IL6R: variants seen among roughly 807,000 people sequenced by gnomAD.
IL6R encodes the protein interleukin-6 receptor subunit alpha.
IL6R carries 38 observed loss-of-function variants against 48.3 expected under a neutral mutation model. That is an observed-to-expected ratio of 0.79 (90% CI 0.61 to 1.03). The LOEUF is 1.03. Ranked by LOEUF, IL6R falls within the 50% of genes least tolerant of loss-of-function variation. The pLI is 0.00. For missense variants in IL6R, 534 were observed against 618.3 expected, an observed-to-expected ratio of 0.86 and a Z score of 1.45; for synonymous variants, 264 against 256.2, an observed-to-expected ratio of 1.03 and a Z score of -0.29.
At position 154,465,499 on chromosome 1, in the gene IL6R, A is replaced by G; in HGVS notation, c.*119A>G. The G allele has an allele frequency of 8.4e-7, 1 of 1,185,108 alleles. No individual in the cohort carries two copies. Among genetic ancestry groups the G allele is most frequent in the Admixed American group, 1.9e-5 (1 of 51,490 alleles). 73.4% of individuals were successfully genotyped at this position (1,185,108 alleles called of 1,614,324 possible). A position where few individuals can be genotyped will look rare whatever the true frequency, so the allele number is the denominator to read the frequency against. ...TCAGGGGTGTGCGGCCTTTGGCTTC[A>G]CGGAAGAGCCTTGCGGAAGGTTCTA... is the stretch of plus-strand genomic sequence containing the variant. On this transcript the variant is annotated 3_prime_UTR_variant, in exon 10 of 10. Transcript: ENST00000368485.
intron 1 of IL6R, among the ~76,000 whole-genome samples, chr1:154,419,975 C>T (rs1456622342): frequency 2.0e-5 from 3 of 151,920 alleles, no homozygotes; most frequent in African/African-American, 7.3e-5. Context: ...GGTGGGGGTC[C>T]CAGTGTCCCT....
Position 154,468,904 on chromosome 1 carries a change from G to T in IL6R, c.*3524G>T, listed in dbSNP as rs1177413245. 1.3e-5 allele frequency: 2 copies of T among 152,250 alleles called. No individual in the cohort carries two copies. The highest frequency in any genetic ancestry group is 2.4e-5 in the African/African-American group (1 of 41,418). The allele number at this position is 152,250 out of a possible 1,614,324, so 9.4% of individuals were successfully genotyped here. On this transcript the variant is annotated 3_prime_UTR_variant, in exon 10 of 10. Transcript: ENST00000368485. ...TGGTGGTCTTAATTTGGAGATGCAG[G>T]GGCAACCTGTGACCCTTTGAGGCAA...
rs1687638943 is a variant in IL6R, at chr1:154,405,381, G to C, written c.-249G>C. On this transcript the variant is annotated 5_prime_UTR_variant, in exon 1 of 10. Coordinates refer to ENST00000368485, the MANE Select transcript of IL6R (RefSeq NM_000565.4). The surrounding 1 kb of genome is among the most constrained non-coding windows in gnomAD (Gnocchi z 5.2). ...CGTTGCCAGGACCGTCCGCCGCTCT[G>C]AGTCATGTGCGAGTGGGAAGTCGCA... 1 of 508,598 alleles carries C rather than the reference G, an allele frequency of 2.0e-6. No homozygotes were observed. Among genetic ancestry groups the C allele is most frequent in the Admixed American group, 4.1e-5 (1 of 24,264 alleles). 31.5% of individuals were successfully genotyped at this position (508,598 alleles called of 1,614,324 possible). A position where few individuals can be genotyped will look rare whatever the true frequency, so the allele number is the denominator to read the frequency against.
intron 4 of IL6R, 107 bp from the exon 5 acceptor site, chr1:154,434,883 G>A: frequency 7.9e-7 from 1 of 1,271,164 alleles, no homozygotes; most frequent in Non-Finnish European, 1.1e-6. Flanking sequence ...TGTGCATGGG[G>A]AGTGAACGGG....
intron 1 of IL6R, among the ~76,000 whole-genome samples, chr1:154,420,845 TTTATA>T (rs1688621978): frequency 6.6e-6 from 1 of 152,136 alleles, no homozygotes; most frequent in African/African-American, 2.4e-5. Flanking sequence ...TGAGATGTAC[TTTATA>T]TTAAAGAACA....
At chr1:154,448,410 A>G (rs540685602) in intron 7 of IL6R, among the ~76,000 whole-genome samples, 6 of 152,362 alleles carry the variant, frequency 3.9e-5, no homozygotes, top group Admixed American at 6.5e-5. Flanking sequence ...TGCGTCTAGC[A>G]GCTGCTATTT....
In IL6R at chr1:154,448,033, G is replaced by C. The variant is rs1690373210; in HGVS notation, c.950-92G>C. The C allele has an allele frequency of 2.9e-6, 3 of 1,036,068 alleles. No individual in the cohort carries two copies. The Admixed American group carries it at 5.5e-5, about 19-fold the overall frequency. The allele number at this position is 1,036,068 out of a possible 1,614,324, so 64.2% of individuals were successfully genotyped here. A position where few individuals can be genotyped will look rare whatever the true frequency, so the allele number is the denominator to read the frequency against. On this transcript the variant is annotated intron_variant, in intron 6 of 9. Coordinates refer to ENST00000368485, the MANE Select transcript of IL6R (RefSeq NM_000565.4). ...CCATGCTGTTCTTTTAAATAACATT[G>C]AGATGAACTTTTTTTTTCTGATGCT...
At chr1:154,416,170 C>A (rs1688337416) in intron 1 of IL6R, among the ~76,000 whole-genome samples, 1 of 152,016 alleles carries the variant, frequency 6.6e-6, no homozygotes, top group Non-Finnish European at 1.5e-5. Flanking sequence ...CACTCTGTTG[C>A]CAAGGCTGGA....
At chr1:154,409,784 G>C (rs1378860491) in intron 1 of IL6R, among the ~76,000 whole-genome samples, 2 of 152,128 alleles carry the variant, frequency 1.3e-5, no homozygotes, top group African/African-American at 2.4e-5. Context: ...ACTATTAACA[G>C]GATGTAAATT....
At chr1:154,410,269 A>G (rs1475142496) in intron 1 of IL6R, among the ~76,000 whole-genome samples, 1 of 150,892 alleles carries the variant, frequency 6.6e-6, no homozygotes, top group Non-Finnish European at 1.5e-5. Flanking sequence ...TTTTTTTTTA[A>G]ATACAGGATC....
chr1:154,461,169 A>G (rs1026778194), intron 9 of IL6R, among the ~76,000 whole-genome samples: 4 of 152,192 alleles, frequency 2.6e-5, no homozygotes, highest in African/African-American at 9.7e-5. Context: ...GACTTTCACT[A>G]TTTCTTCTAC....
intron 1 of IL6R, among the ~76,000 whole-genome samples, chr1:154,423,750 G>A (rs917880802): frequency 6.6e-6 from 1 of 152,188 alleles, no homozygotes; most frequent in African/African-American, 2.4e-5. Flanking sequence ...TTAAAAAATA[G>A]TGACTCAGTT....
intron 9 of IL6R, among the ~76,000 whole-genome samples, chr1:154,456,965 T>G (rs917744287): frequency 6.6e-6 from 1 of 152,008 alleles, no homozygotes; most frequent in South Asian, 2.1e-4. Context: ...CAGTAGGTGT[T>G]GGAATTACAA....
chr1:154,450,161 G>A (rs1327711140), intron 8 of IL6R, among the ~76,000 whole-genome samples, 181 bp downstream of exon 8: 1 of 129,396 alleles, frequency 7.7e-6, no homozygotes, highest in East Asian at 2.4e-4. Context: ...AGTCTTGCTC[G>A]GTTGCCCAGG....
intron 1 of IL6R, among the ~76,000 whole-genome samples, chr1:154,409,189 G>T (rs1291318666): frequency 6.6e-6 from 1 of 152,182 alleles, no homozygotes; most frequent in Non-Finnish European, 1.5e-5. Flanking sequence ...AGTTGCACTA[G>T]TCACATTTTA....
chr1:154,465,199 C>T lies in IL6R; in HGVS notation c.1226C>T (p.Ser409Phe), dbSNP rs1277848589. The T allele has an allele frequency of 3.1e-6, 5 of 1,614,080 alleles. No homozygotes were observed. The African/African-American group carries it at 5.3e-5, about 17-fold the overall frequency. The change falls in exon 10 of 10, where the codon TCT becomes TTT. Residue 409 changes from serine to phenylalanine, a missense_variant. Ser to Phe is a radical substitution (Grantham distance 155, BLOSUM62 -2). Transcript: ENST00000368485. ...EGKTSMHPPYSLGQLVPERPR... is the reference protein window; with the variant it reads ...EGKTSMHPPYFLGQLVPERPR... Reference sequence around the variant, plus strand: ...AAGACAAGCATGCATCCGCCGTACTCTTTGGGGCAGCTGGTCCCGGAGAGG... The same window carrying T: ...AAGACAAGCATGCATCCGCCGTACTTTTTGGGGCAGCTGGTCCCGGAGAGG...
At chr1:154,448,038 G>A in intron 6 of IL6R, 87 bp from the exon 7 acceptor site, 2 of 1,105,284 alleles carry the variant, frequency 1.8e-6, no homozygotes, top group Non-Finnish European at 2.8e-6. Context: ...ACATTGAGAT[G>A]AACTTTTTTT....
At chr1:154,457,765 C>T (rs370043802) in intron 9 of IL6R, among the ~76,000 whole-genome samples, 3 of 152,186 alleles carry the variant, frequency 2.0e-5, no homozygotes, top group African/African-American at 4.8e-5. Context: ...TGGTTAATCG[C>T]GATGATCTAC....
intron 9 of IL6R, among the ~76,000 whole-genome samples, chr1:154,457,690 G>T (rs536202969): frequency 6.6e-6 from 1 of 152,298 alleles, no homozygotes; most frequent in African/African-American, 2.4e-5. Context: ...CAATTTTACT[G>T]CAGGAACCGG....
Sources: gnomAD v4.1 joint callset for allele counts (sites outside exome capture counted in the v4.1 genomes callset) on GRCh38, gnomAD v4.1.1 for gene constraint, Gnocchi (gnomAD v3.1) non-coding constraint, MANE v1.5 for transcripts, NCBI Gene and HGNC (gene_info 2026-07-23, HGNC 2026-07-21) for gene names.